Variants in GABRB2 observed in about 807,000 individuals in gnomAD.
GABRB2 encodes gamma-aminobutyric acid type A receptor subunit beta2.
GABRB2 carries 16 observed loss-of-function variants against 54.7 expected under a neutral mutation model. That is an observed-to-expected ratio of 0.29 (90% CI 0.20 to 0.44). The LOEUF is 0.44. Ranked by LOEUF, GABRB2 falls within the 20% of genes least tolerant of loss-of-function variation. The pLI, the probability that GABRB2 is intolerant of heterozygous loss-of-function variation, is 1.00. For missense variants in GABRB2, 355 were observed against 644.0 expected (o/e 0.55, Z 4.86); for synonymous variants, 244 against 233.8 (o/e 1.04, Z -0.40).
chr5:161,432,057 A>C (rs1246658148), intron 4 of GABRB2, among the ~76,000 whole-genome samples: 3 of 152,194 alleles, frequency 2.0e-5, no homozygotes, highest in Non-Finnish European at 4.4e-5. Flanking sequence ...GGTGCATTTA[A>C]TCAACAACTT....
intron 9 of GABRB2, among the ~76,000 whole-genome samples, chr5:161,299,673 C>T (rs911355959): frequency 3.3e-5 from 5 of 152,028 alleles, no homozygotes; most frequent in African/African-American, 1.2e-4. Flanking sequence ...CCTTCTTATT[C>T]CTCTTTCTCA....
At chr5:161,402,917 T>C (rs1251361290) in intron 5 of GABRB2, among the ~76,000 whole-genome samples, 1 of 152,148 alleles carries the variant, frequency 6.6e-6, no homozygotes, top group Non-Finnish European at 1.5e-5. Context: ...AAATTGCTAA[T>C]TTAAGAGGCC....
At chr5:161,424,346 A>G (rs898472373) in intron 4 of GABRB2, among the ~76,000 whole-genome samples, 2 of 152,158 alleles carry the variant, frequency 1.3e-5, no homozygotes, top group Non-Finnish European at 2.9e-5. Flanking sequence ...GCTTGAAAGG[A>G]CAGGCTGACC....
chr5:161,494,071 T>C (rs1328348111), intron 3 of GABRB2, among the ~76,000 whole-genome samples: 1 of 151,798 alleles, frequency 6.6e-6, no homozygotes, highest in Non-Finnish European at 1.5e-5. Context: ...CTATTTAATA[T>C]GGTACATCTT....
intron 3 of GABRB2, among the ~76,000 whole-genome samples, chr5:161,541,955 C>G (rs1345075986): frequency 6.6e-6 from 1 of 152,146 alleles, no homozygotes; most frequent in Non-Finnish European, 1.5e-5. Context: ...TTAATCATTT[C>G]TAGCTTTTGA....
intron 9 of GABRB2, among the ~76,000 whole-genome samples, chr5:161,307,218 G>T (rs1360770528): frequency 6.6e-6 from 1 of 152,008 alleles, no homozygotes; most frequent in Non-Finnish European, 1.5e-5. Context: ...TCCCTTACCT[G>T]ATCAGGCGCC....
chr5:161,496,528 A>C (rs952417184), intron 3 of GABRB2, among the ~76,000 whole-genome samples: 2 of 151,894 alleles, frequency 1.3e-5, no homozygotes, highest in African/African-American at 4.8e-5. Flanking sequence ...ATCCATAGTA[A>C]TTGTAGAAAA....
chr5:161,398,420 A>G (rs2113069079), intron 5 of GABRB2, among the ~76,000 whole-genome samples: 1 of 152,348 alleles, frequency 6.6e-6, no homozygotes, highest in East Asian at 1.9e-4. Context: ...AATTAAACTG[A>G]TAATGAACAG....
intron 3 of GABRB2, among the ~76,000 whole-genome samples, chr5:161,474,909 C>G (rs1010648389): frequency 6.6e-6 from 1 of 151,862 alleles, no homozygotes; most frequent in African/African-American, 2.4e-5. Flanking sequence ...AAGCAATCTC[C>G]TAGGGGTGCA....
chr5:161,502,380 T>G (rs1165612317), intron 3 of GABRB2, among the ~76,000 whole-genome samples: 1 of 152,132 alleles, frequency 6.6e-6, no homozygotes, highest in Non-Finnish European at 1.5e-5. Context: ...AACACATACA[T>G]TTGTCTGCAA....
At chr5:161,522,907 G>A (rs1191307108) in intron 3 of GABRB2, among the ~76,000 whole-genome samples, 3 of 151,330 alleles carry the variant, frequency 2.0e-5, no homozygotes, top group African/African-American at 7.3e-5. Flanking sequence ...GTGTTTCGGA[G>A]GTTTTGTGAC....
intron 9 of GABRB2, among the ~76,000 whole-genome samples, chr5:161,324,907 G>A (rs1281749520): frequency 6.6e-6 from 1 of 152,018 alleles, no homozygotes; most frequent in Non-Finnish European, 1.5e-5. Context: ...TAACAAATTA[G>A]TGTTCAAATC....
At chr5:161,473,064 C>A (rs912537560) in intron 3 of GABRB2, among the ~76,000 whole-genome samples, 1 of 151,810 alleles carries the variant, frequency 6.6e-6, no homozygotes, top group Non-Finnish European at 1.5e-5. Flanking sequence ...GTTATCAAGC[C>A]TAATTTTGAA....
intron 5 of GABRB2, among the ~76,000 whole-genome samples, chr5:161,354,203 G>A (rs753451856): frequency 6.6e-6 from 1 of 151,984 alleles, no homozygotes; most frequent in Non-Finnish European, 1.5e-5. Flanking sequence ...GTTGGACCTA[G>A]GAGCCTACAT....
At chr5:161,341,937 TTATATATATATATATATATA>T (rs1237952955) in intron 5 of GABRB2, among the ~76,000 whole-genome samples, 1 of 75,708 alleles carries the variant, frequency 1.3e-5, no homozygotes, top group South Asian at 5.7e-4. Context: ...ATTTTTTCTT[TTATATATATATATATATATA>T]TATATATATA....
intron 8 of GABRB2, among the ~76,000 whole-genome samples, chr5:161,328,955 G>A (rs146665815): frequency 5.9e-4 from 90 of 152,186 alleles, no homozygotes; most frequent in African/African-American, 2.1e-3. Context: ...TCCATCACTT[G>A]AATGGTAGGG....
At chr5:161,416,114 A>AT (rs1208006931) in intron 4 of GABRB2, among the ~76,000 whole-genome samples, 1 of 152,048 alleles carries the variant, frequency 6.6e-6, no homozygotes, top group Non-Finnish European at 1.5e-5. Context: ...AACTTTTTAA[A>AT]TTTTTTGTAG....
intron 5 of GABRB2, among the ~76,000 whole-genome samples, chr5:161,396,450 G>A (rs1485736241): frequency 6.6e-6 from 1 of 152,204 alleles, no homozygotes; most frequent in Non-Finnish European, 1.5e-5. Context: ...GAAGAGAGAG[G>A]TTGTTAAAAC....
chr5:161,429,345 C>CAAAAA (rs770848428), intron 4 of GABRB2, among the ~76,000 whole-genome samples: 13 of 31,416 alleles, frequency 4.1e-4, no homozygotes, highest in African/African-American at 6.9e-4. Context: ...GAATCCGTCT[C>CAAAAA]AAAAAAAAAA....
Sources: gnomAD v4.1 joint callset for allele counts (sites outside exome capture counted in the v4.1 genomes callset) on GRCh38, gnomAD v4.1.1 for gene constraint, MANE v1.5 for transcripts, NCBI Gene and HGNC (gene_info 2026-07-23, HGNC 2026-07-21) for gene names.